The following ABCB11 variants were observed in gnomAD, a reference collection of about 807,000 sequenced individuals.
The protein encoded by ABCB11 is bile salt export pump.
ABCB11 carries 95 observed loss-of-function variants against 148.0 expected under a neutral mutation model. That is an observed-to-expected ratio of 0.64 (90% CI 0.54 to 0.76). ABCB11 has a LOEUF of 0.76. Ranked by LOEUF, ABCB11 falls within the 30% of genes least tolerant of loss-of-function variation. The pLI, the probability that ABCB11 is intolerant of heterozygous loss-of-function variation, is 0.00. For synonymous variants in ABCB11, 591 were observed against 555.4 expected (o/e 1.06, Z -0.90); for missense variants, 1,523 against 1,617.8 (o/e 0.94, Z 1.01).
chr2:168,975,898 AG>A (rs1693883003), intron 12 of ABCB11, among the ~76,000 whole-genome samples: 1 of 134,904 alleles, frequency 7.4e-6, no homozygotes, highest in African/African-American at 2.7e-5. Context: ...AGAAATATTA[AG>A]AGAGAGTGGC....
chr2:169,019,305 ATAAT>A (rs1368929163), intron 1 of ABCB11, among the ~76,000 whole-genome samples: 1 of 152,194 alleles, frequency 6.6e-6, no homozygotes, highest in Admixed American at 6.5e-5. Flanking sequence ...CAGAAGTGTA[ATAAT>A]TAAAGAGATA....
chr2:168,996,605 A>G, intron 6 of ABCB11, 30 bp downstream of exon 6: 1 of 1,318,458 alleles, frequency 7.6e-7, no homozygotes, highest in Non-Finnish European at 1.0e-6. Flanking sequence ...TCAGATATTG[A>G]TCTATAAATT....
chr2:168,915,805 C>T (rs1690929918), downstream of ABCB11, among the ~76,000 whole-genome samples: 1 of 152,174 alleles, frequency 6.6e-6, no homozygotes, highest in African/African-American at 2.4e-5. Flanking sequence ...GACAATGTCA[C>T]CTGGCCTTCA....
intron 5 of ABCB11, among the ~76,000 whole-genome samples, chr2:169,003,431 T>C (rs115731621): frequency 0.035 from 5,324 of 150,152 alleles, 130 homozygotes; most frequent in East Asian, 0.06. Flanking sequence ...ATTACATATA[T>C]ATCATATCTG....
At chr2:168,939,187 G>A (rs1173878163) in intron 21 of ABCB11, among the ~76,000 whole-genome samples, 1 of 151,618 alleles carries the variant, frequency 6.6e-6, no homozygotes, top group Non-Finnish European at 1.5e-5. Flanking sequence ...CACAATAGGA[G>A]GGAATTCACT....
At chr2:168,974,736 C>T (rs2105970238) in intron 12 of ABCB11, among the ~76,000 whole-genome samples, 1 of 151,866 alleles carries the variant, frequency 6.6e-6, no homozygotes, top group Non-Finnish European at 1.5e-5. Flanking sequence ...AAAGTAATGG[C>T]AAAAACCTCA....
intron 3 of ABCB11, 117 bp from the exon 4 acceptor site, chr2:169,014,471 G>A (rs2106050307): frequency 1.0e-6 from 1 of 962,230 alleles, no homozygotes; most frequent in Non-Finnish European, 1.6e-6. Flanking sequence ...CCACTGGCTG[G>A]AAAATTCTGG....
At chr2:168,996,291 A>G (rs997638155) in intron 6 of ABCB11, among the ~76,000 whole-genome samples, 1 of 151,958 alleles carries the variant, frequency 6.6e-6, no homozygotes, top group African/African-American at 2.4e-5. Flanking sequence ...GCTTTCCTCT[A>G]TCTCCCCCTG....
intron 18 of ABCB11, among the ~76,000 whole-genome samples, chr2:168,958,978 A>T (rs2105936822): frequency 6.6e-6 from 1 of 151,794 alleles, no homozygotes; most frequent in South Asian, 2.1e-4. Context: ...TTCTATTGAC[A>T]TTTACCAAAA....
rs1470739290 is a variant in ABCB11, at chr2:168,935,259, A to G, written c.2981T>C (p.Ile994Thr). 6.2e-7 allele frequency: 1 copy of G among 1,614,020 alleles called. No individual in the cohort carries two copies. The highest frequency in any genetic ancestry group is 8.5e-7 in the Non-Finnish European group (1 of 1,179,884). Reference protein sequence around the residue: ...CFAFAQCIMFIANSASYRYGG... With the variant: ...CFAFAQCIMFTANSASYRYGG... ...ATATCTGTAGGAAGCAGAATTCGCA[A>G]TAAACATGATGCACTGGGCAAAGGC... is the stretch of plus-strand genomic sequence containing the variant. The change falls in exon 23 of 28, where the codon ATT becomes ACT. Residue 994 changes from isoleucine (I) to threonine (T), a missense_variant. Ile to Thr is a moderately conservative substitution (Grantham distance 89, BLOSUM62 -1). Coordinates refer to ENST00000650372, the MANE Select transcript of ABCB11 (RefSeq NM_003742.4).
At chr2:168,998,239 T>C (rs1694774939) in intron 5 of ABCB11, among the ~76,000 whole-genome samples, 1 of 152,042 alleles carries the variant, frequency 6.6e-6, no homozygotes, top group African/African-American at 2.4e-5. Flanking sequence ...ACCAGAAAAC[T>C]ATAAGCATTT....
intron 14 of ABCB11, among the ~76,000 whole-genome samples, chr2:168,971,331 G>A (rs1693570774): frequency 2.0e-5 from 3 of 151,928 alleles, no homozygotes; most frequent in African/African-American, 2.4e-5. Flanking sequence ...GCAGGCCATC[G>A]GTGGCAAAAT....
chr2:168,947,526 A>G (rs1394032954), intron 19 of ABCB11, among the ~76,000 whole-genome samples: 1 of 151,730 alleles, frequency 6.6e-6, no homozygotes, highest in African/African-American at 2.4e-5. Context: ...TGCTGGGTCC[A>G]TTCCCACAGT....
At chr2:169,013,622 A>T in intron 4 of ABCB11, 112 bp from the exon 5 acceptor site, 1 of 772,210 alleles carries the variant, frequency 1.3e-6, no homozygotes, top group Non-Finnish European at 2.1e-6. Flanking sequence ...ACCAAATTTC[A>T]TGGGAATCAC....
Position 169,013,391 on chromosome 2 carries a change from A to G in ABCB11, c.270T>C (p.Phe90=), listed in dbSNP as rs4148777. 0.041 allele frequency: 65,848 copies of G among 1,613,764 alleles called. 1,612 individuals are homozygous for G. Among genetic ancestry groups the G allele is most frequent in the African/African-American group, 0.067 (5,061 of 75,006 alleles). ...CTTGTAACTCAACGTCGTAGTCAAT[A>G]AAAACATCTGTCATTGTGCCAAAAA... ...LLIFGTMTDV[F]IDYDVELQEL... Residue 90 remains phenylalanine, a synonymous_variant, in exon 5 of 28, where the codon TTT becomes TTC. Transcript: ENST00000650372.
intron 20 of ABCB11, 41 bp from the exon 21 acceptor site, chr2:168,944,807 G>C: frequency 1.9e-6 from 3 of 1,604,160 alleles, no homozygotes; most frequent in Non-Finnish European, 2.6e-6. Context: ...ATTTTAATGA[G>C]AAAAAAGGAA....
At chr2:168,980,164 G>C (rs1449037357) in intron 10 of ABCB11, among the ~76,000 whole-genome samples, 185 bp from the exon 11 acceptor site, 1 of 148,796 alleles carries the variant, frequency 6.7e-6, no homozygotes, top group South Asian at 2.2e-4. Flanking sequence ...GCATCTCCAA[G>C]TTTTCCACTG....
Position 168,920,894 on chromosome 2 carries a change from T to C in ABCB11, c.*2728A>G, listed in dbSNP as rs1196560516. ...ATTTCAAGCCCTCTTTAGACAATCT[T>C]TTCCCTGTCATCAATAACTTTCAAG... On this transcript the variant is annotated 3_prime_UTR_variant, in exon 28 of 28. Transcript: ENST00000650372. 6.6e-6 allele frequency among the ~76,000 whole-genome samples: 1 copy of C among 152,242 alleles called. No individual in the cohort carries two copies. The highest frequency in any genetic ancestry group is 1.5e-5 in the Non-Finnish European group (1 of 68,044).
At chr2:168,972,485 C>T (rs3770586) in intron 13 of ABCB11, among the ~76,000 whole-genome samples, 67,192 of 151,696 alleles carry the variant, frequency 0.44, 15,002 homozygotes, top group Non-Finnish European at 0.48. Flanking sequence ...CCAGATTCAT[C>T]AAATAACACT....
Sources: gnomAD v4.1 joint callset for allele counts (sites outside exome capture counted in the v4.1 genomes callset) on GRCh38, gnomAD v4.1.1 for gene constraint, MANE v1.5 for transcripts, NCBI Gene and HGNC (gene_info 2026-07-23, HGNC 2026-07-21) for gene names.